Variants in TMEM232 observed in about 807,000 individuals in gnomAD.
TMEM232 encodes transmembrane protein 232.
Under a neutral mutation model 78.8 loss-of-function variants are expected in TMEM232, and 80 were observed. The ratio of observed to expected loss-of-function variants is 1.01; its 90% CI spans 0.85 to 1.22. The LOEUF is 1.22. TMEM232 is among the 50% of genes most tolerant of loss of function. The pLI, the probability that TMEM232 is intolerant of heterozygous loss-of-function variation, is 0.00. For synonymous variants in TMEM232, 297 were observed against 254.3 expected, an observed-to-expected ratio of 1.17 and a Z score of -1.60; for missense variants, 881 against 742.2, an observed-to-expected ratio of 1.19 and a Z score of -2.17.
chr5:110,602,287 T>G (rs1781010797), intron 10 of TMEM232, among the ~76,000 whole-genome samples: 1 of 152,100 alleles, frequency 6.6e-6, no homozygotes, highest in Admixed American at 6.5e-5. Flanking sequence ...AAAGCCAAAA[T>G]TGACAAATGG....
At chr5:110,576,861 TAAC>T (rs753818938) in intron 10 of TMEM232, among the ~76,000 whole-genome samples, 2 of 152,062 alleles carry the variant, frequency 1.3e-5, no homozygotes, top group African/African-American at 2.4e-5. Flanking sequence ...GACCACTTCC[TAAC>T]ACTATGTACA....
chr5:110,420,859 G>A, intron 13 of TMEM232, 103 bp from the exon 14 acceptor site: 1 of 1,410,620 alleles, frequency 7.1e-7, no homozygotes. Flanking sequence ...ATCCTTTCAG[G>A]TTTTTTCCAT....
intron 2 of TMEM232, among the ~76,000 whole-genome samples, chr5:110,398,175 C>A (rs1485844260): frequency 6.6e-6 from 1 of 152,086 alleles, no homozygotes; most frequent in Non-Finnish European, 1.5e-5. Flanking sequence ...TGTGTATATC[C>A]TAGAAAATTC....
chr5:110,697,065 A>G (rs1794879094), intron 1 of TMEM232, among the ~76,000 whole-genome samples: 1 of 152,190 alleles, frequency 6.6e-6, no homozygotes, highest in Admixed American at 6.5e-5. Context: ...AGCCTACAGT[A>G]ACCAAAACAG....
intron 1 of TMEM232, among the ~76,000 whole-genome samples, chr5:110,723,935 C>A (rs1308906588): frequency 1.3e-5 from 2 of 152,038 alleles, no homozygotes; most frequent in African/African-American, 4.8e-5. Flanking sequence ...CAAGAGATGA[C>A]CAGGAAGATG....
intron 12 of TMEM232, among the ~76,000 whole-genome samples, chr5:110,486,686 A>T (rs2149407495): frequency 6.6e-6 from 1 of 152,188 alleles, no homozygotes; most frequent in Non-Finnish European, 1.5e-5. Context: ...GCCTATTTTT[A>T]CACCAGTGCC....
chr5:110,605,205 T>C lies in TMEM232; in HGVS notation c.1180A>G (p.Asn394Asp), dbSNP rs1193035858. 1.9e-6 allele frequency: 3 copies of C among 1,551,114 alleles called. No individual in the cohort carries two copies. The highest frequency in any genetic ancestry group is 2.6e-6 in the Non-Finnish European group (3 of 1,146,678). The change falls in exon 10 of 14, where the codon AAT becomes GAT. Residue 394 changes from asparagine to aspartate, a missense_variant. Physicochemically the swap from Asn to Asp is conservative, Grantham distance 23. Coordinates refer to ENST00000455884, the MANE Select transcript of TMEM232 (RefSeq NM_001039763.4). ...ACTGATTTGTCCAAGTATAAAATAT[T>C]TTTTTGTGAACTTTTACAGTGACAG... ...GFCHCKSSQK[N>D]ILYLDKSVPP...
At chr5:110,417,618 C>CTTTTTTT (rs1181888424), downstream of TMEM232, 490 of 119,262 alleles carry the variant, frequency 4.1e-3, no homozygotes, top group East Asian at 0.013. Context: ...TTTTCTTTTT[C>CTTTTTTT]TTTTTTTTTT....
chr5:110,474,750 G>A (rs1461831749), intron 12 of TMEM232, among the ~76,000 whole-genome samples: 1 of 151,732 alleles, frequency 6.6e-6, no homozygotes, highest in East Asian at 1.9e-4. Context: ...CTATTTCTTT[G>A]TATTAGCAAG....
At chr5:110,678,506 G>C (rs1321163133) in intron 1 of TMEM232, among the ~76,000 whole-genome samples, 3 of 152,112 alleles carry the variant, frequency 2.0e-5, no homozygotes, top group Non-Finnish European at 4.4e-5. Flanking sequence ...GTTATAATTG[G>C]TAAATCTACA....
rs557588527 is a variant in TMEM232, at chr5:110,736,341, T to A, written c.-125-1326A>T. Among the ~76,000 whole-genome samples the A allele has an allele frequency of 3.9e-5, 6 of 152,288 alleles. No individual in the cohort carries two copies. The East Asian group carries it at 1.2e-3, about 29-fold the overall frequency. ...TTGCTGTGTCTGCCCATAACCAAAT[T>A]TGCTCTAATTTTTTTCTAAAATAAT... On this transcript the variant is annotated intron_variant, in intron 1 of 4. Coordinates refer to the TMEM232 transcript ENST00000512886.
intron 2 of TMEM232, among the ~76,000 whole-genome samples, chr5:110,411,260 A>G (rs1422645918): frequency 6.6e-6 from 1 of 152,156 alleles, no homozygotes; most frequent in African/African-American, 2.4e-5. Context: ...ACAAAGATAC[A>G]GGTATTGGAG....
At position 110,531,977 on chromosome 5, in the gene TMEM232, A is replaced by C. The variant is rs147153970; in HGVS notation, c.1456-3142T>G. Among the ~76,000 whole-genome samples the C allele has an allele frequency of 6.6e-3, 1,002 of 152,248 alleles. 7 individuals carry two copies. Among genetic ancestry groups the C allele is most frequent in the Non-Finnish European group, 8.8e-3 (596 of 68,028 alleles). On this transcript the variant is annotated intron_variant, in intron 11 of 13. Coordinates refer to ENST00000455884, the MANE Select transcript of TMEM232 (RefSeq NM_001039763.4). ...AACCTTGCCTTCAAAGTGTACAATC[A>C]CAGAAAAAAGTTGCAATTCCTTGCC...
chr5:110,434,176 A>C (rs1758162703), intron 12 of TMEM232, among the ~76,000 whole-genome samples: 1 of 151,522 alleles, frequency 6.6e-6, no homozygotes, highest in African/African-American at 2.4e-5. Flanking sequence ...GAAAAAAAAA[A>C]ACTTGGTTCT....
chr5:110,662,428 T>C (rs1789930929), intron 2 of TMEM232, among the ~76,000 whole-genome samples: 1 of 152,140 alleles, frequency 6.6e-6, no homozygotes, highest in Non-Finnish European at 1.5e-5. Flanking sequence ...AAAGATGTTG[T>C]TTCTCCAAAT....
At chr5:110,726,442 A>G (rs1798162555) in intron 1 of TMEM232, among the ~76,000 whole-genome samples, 185 bp downstream of exon 1, 1 of 152,178 alleles carries the variant, frequency 6.6e-6, no homozygotes, top group Non-Finnish European at 1.5e-5. Flanking sequence ...GGAGGGGCCC[A>G]GATAGCAGGC....
chr5:110,503,474 C>T (rs1344985650), intron 12 of TMEM232, among the ~76,000 whole-genome samples: 1 of 152,026 alleles, frequency 6.6e-6, no homozygotes, highest in Non-Finnish European at 1.5e-5. Context: ...TAAATTAAAA[C>T]AAATGTAGAT....
At chr5:110,501,503 G>T (rs1160366514) in intron 12 of TMEM232, among the ~76,000 whole-genome samples, 1 of 152,012 alleles carries the variant, frequency 6.6e-6, no homozygotes, top group East Asian at 1.9e-4. Context: ...AAAGTTACAG[G>T]ATAACTTTTC....
intron 12 of TMEM232, among the ~76,000 whole-genome samples, chr5:110,443,557 A>G (rs1032525239): frequency 3.3e-5 from 5 of 152,188 alleles, no homozygotes; most frequent in Middle Eastern, 3.2e-3. Context: ...GGGGACACCA[A>G]GAGCCTGTTT....
Sources: gnomAD v4.1 joint callset for allele counts (sites outside exome capture counted in the v4.1 genomes callset) on GRCh38, gnomAD v4.1.1 for gene constraint, MANE v1.5 for transcripts, NCBI Gene and HGNC (gene_info 2026-07-23, HGNC 2026-07-21) for gene names.